Variants in DAB1 observed in about 807,000 individuals in gnomAD.
DAB1 encodes disabled homolog 1.
Under a neutral mutation model 64.6 loss-of-function variants are expected in DAB1, and 15 were observed. The observed-to-expected ratio is 0.23, with a 90% confidence interval of 0.16 to 0.36. DAB1 has a LOEUF of 0.36. Among genes scored for constraint, DAB1 ranks in the 10% least tolerant of loss-of-function variants. The pLI, the probability that DAB1 is intolerant of heterozygous loss-of-function variation, is 1.00. For missense variants in DAB1, 596 were observed against 706.7 expected (o/e 0.84, Z 1.78); for synonymous variants, 235 against 251.9 (o/e 0.93, Z 0.64).
intron 6 of DAB1, among the ~76,000 whole-genome samples, chr1:57,707,846 C>T (rs1224515593): frequency 6.6e-6 from 1 of 152,158 alleles, no homozygotes; most frequent in Non-Finnish European, 1.5e-5. Context: ...TCTCTGAGCC[C>T]AGGATCTATG....
At position 57,818,844 on chromosome 1, in the gene DAB1, G is replaced by A. The variant is rs147475284; in HGVS notation, n.551+65155C>T. Among the ~76,000 whole-genome samples the A allele has an allele frequency of 9.1e-3, 1,376 of 151,828 alleles. 21 individuals carry two copies. The highest frequency in any genetic ancestry group is 0.032 in the African/African-American group (1,335 of 41,410). ...ACGGGGCAATTAGGAAACCTTCACA[G>A]AAGATCCGAGTGCTGAAAGACAAAC... On this transcript the variant is annotated intron_variant and non_coding_transcript_variant, in intron 6 of 20. Transcript: ENST00000485760.
chr1:57,616,718 C>A (rs761686658), intron 7 of DAB1, among the ~76,000 whole-genome samples: 4 of 152,106 alleles, frequency 2.6e-5, no homozygotes, highest in Non-Finnish European at 4.4e-5. Flanking sequence ...CCGTATCTAT[C>A]CAAATATTAT....
intron 6 of DAB1, among the ~76,000 whole-genome samples, chr1:57,691,218 C>A (rs1009752986): frequency 2.0e-5 from 3 of 151,890 alleles, no homozygotes; most frequent in Non-Finnish European, 4.4e-5. Context: ...AAGGCACCAA[C>A]CAGCACTCTG....
chr1:57,799,386 AC>A (rs2101870161), intron 6 of DAB1, among the ~76,000 whole-genome samples: 1 of 152,152 alleles, frequency 6.6e-6, no homozygotes, highest in African/African-American at 2.4e-5. Context: ...AAGTCCATAA[AC>A]TTTTGAAAAG....
chr1:58,517,266 T>C (rs1646171903), intron 2 of DAB1, among the ~76,000 whole-genome samples: 1 of 152,170 alleles, frequency 6.6e-6, no homozygotes, highest in African/African-American at 2.4e-5. Flanking sequence ...TCCTTAAAAT[T>C]GCTAATAAAG....
chr1:58,368,555 A>ATTGT (rs10629074), intron 3 of DAB1, among the ~76,000 whole-genome samples: 2 of 151,906 alleles, frequency 1.3e-5, no homozygotes, highest in Admixed American at 6.6e-5. Context: ...AGTATTTTTA[A>ATTGT]TTGTTTGTTT....
At chr1:58,520,236 T>C (rs537589428) in intron 2 of DAB1, among the ~76,000 whole-genome samples, 49 of 152,194 alleles carry the variant, frequency 3.2e-4, no homozygotes, top group African/African-American at 1.2e-3. Flanking sequence ...ACGTGTACCC[T>C]GGAACCTAAA....
At position 57,984,258 on chromosome 1, in the gene DAB1, A is replaced by AAG. The variant is rs1351778663; in HGVS notation, n.388-100098_388-100097dup. On this transcript the variant is annotated intron_variant and non_coding_transcript_variant, in intron 5 of 20. Transcript: ENST00000485760. Reference sequence around the variant, plus strand: ...AAAGAAAGAAAGAAAGAAAGAAAGAAAGAAAAAAAATTAAACAGCCAAACC... The same window carrying AAG: ...AAAGAAAGAAAGAAAGAAAGAAAGAAAGAGAAAAAAAATTAAACAGCCAAACC... 1.9e-3 allele frequency among the ~76,000 whole-genome samples: 274 copies of AAG among 140,704 alleles called. 4 individuals are homozygous for AAG. The highest frequency in any genetic ancestry group is 7.6e-3 in the Middle Eastern group (2 of 262). The allele number at this position is 140,704 out of a possible 152,430, so 92.3% of individuals were successfully genotyped here. A position where few individuals can be genotyped will look rare whatever the true frequency, so the allele number is the denominator to read the frequency against.
intron 4 of DAB1, among the ~76,000 whole-genome samples, chr1:58,295,157 C>G (rs181882462): frequency 3.3e-4 from 50 of 152,150 alleles, no homozygotes; most frequent in African/African-American, 1.2e-3. Context: ...CTGGTCTCCT[C>G]CTCCAAAATG....
At position 58,212,576 on chromosome 1, in the gene DAB1, A is replaced by G. The variant is rs536909063; in HGVS notation, n.310-61988T>C. On this transcript the variant is annotated intron_variant and non_coding_transcript_variant, in intron 4 of 20. Transcript: ENST00000485760. ...ACCATTATTCCTTCACCTCTTAGGC[A>G]TATTCAGTGTTATGGAAATACCATC... Among the ~76,000 whole-genome samples the G allele has an allele frequency of 4.5e-4, 68 of 152,258 alleles. 1 individual carries two copies. The highest frequency in any genetic ancestry group is 3.4e-3 in the Middle Eastern group (1 of 294).
Position 57,477,425 on chromosome 1 carries a change from C to T in DAB1, n.625+172167G>A, listed in dbSNP as rs149624827. Among the ~76,000 whole-genome samples the T allele has an allele frequency of 1.3e-4, 20 of 152,210 alleles. 1 individual carries two copies. The East Asian group carries it at 3.7e-3, about 28-fold the overall frequency. On this transcript the variant is annotated intron_variant and non_coding_transcript_variant, in intron 7 of 20. Transcript: ENST00000485760. ...AATTTTGTTAAGGCTGGCTGAAGTC[C>T]ATTACATTGATTTCATGACCCCTTA...
chr1:57,706,332 G>A (rs1646966745), intron 6 of DAB1, among the ~76,000 whole-genome samples: 1 of 148,238 alleles, frequency 6.7e-6, no homozygotes, highest in African/African-American at 2.5e-5. Context: ...TCTTTCCAGG[G>A]TGTCAGTCTG....
At chr1:58,399,308 T>A (rs893534301) in intron 3 of DAB1, among the ~76,000 whole-genome samples, 7 of 152,322 alleles carry the variant, frequency 4.6e-5, no homozygotes, top group African/African-American at 1.7e-4. Context: ...GTTTTGCAGA[T>A]GAGCACTTTC....
intron 1 of DAB1, among the ~76,000 whole-genome samples, chr1:57,314,350 C>T (rs751123332): frequency 2.0e-5 from 3 of 152,224 alleles, no homozygotes; most frequent in Non-Finnish European, 4.4e-5. Context: ...GTCCCAGGCT[C>T]TGTCAGCTGA....
intron 4 of DAB1, among the ~76,000 whole-genome samples, chr1:58,164,563 A>G (rs1655722741): frequency 6.6e-6 from 1 of 152,222 alleles, no homozygotes. Flanking sequence ...TCCTTTTTTA[A>G]AAAATGAAAT....
intron 8 of DAB1, among the ~76,000 whole-genome samples, chr1:57,064,064 T>A (rs1046329798): frequency 3.9e-5 from 6 of 152,226 alleles, no homozygotes; most frequent in African/African-American, 1.4e-4. Context: ...CTGAGACATA[T>A]GGTAAACGTA....
chr1:58,311,137 C>T (rs921287079), intron 4 of DAB1, among the ~76,000 whole-genome samples: 1 of 152,074 alleles, frequency 6.6e-6, no homozygotes, highest in Admixed American at 6.6e-5. Flanking sequence ...AAGTCCTTGG[C>T]CTGCCTTTAG....
chr1:57,965,987 A>G (rs1247252261), intron 5 of DAB1, among the ~76,000 whole-genome samples: 1 of 152,120 alleles, frequency 6.6e-6, no homozygotes, highest in African/African-American at 2.4e-5. Context: ...TTGATGAGCT[A>G]ATGTAAATTT....
intron 6 of DAB1, among the ~76,000 whole-genome samples, chr1:57,722,244 T>G (rs1165946083): frequency 6.6e-6 from 1 of 152,192 alleles, no homozygotes; most frequent in Admixed American, 6.5e-5. Flanking sequence ...TACTCAGAGT[T>G]GAGTTCTGCT....
Sources: allele counts gnomAD v4.1 joint callset (sites outside exome capture counted in the v4.1 genomes callset), GRCh38; gene constraint gnomAD v4.1.1; transcripts MANE v1.5; gene names NCBI Gene and HGNC (gene_info 2026-07-23, HGNC 2026-07-21).